Variants in BBX observed in about 807,000 individuals in gnomAD.
BBX encodes the protein HMG box transcription factor BBX.
Under a neutral mutation model 100.2 loss-of-function variants are expected in BBX, and 30 were observed. The ratio of observed to expected loss-of-function variants is 0.30; its 90% confidence interval spans 0.22 to 0.41. The LOEUF is 0.41. Among genes scored for constraint, BBX ranks in the 10% least tolerant of loss-of-function variants. BBX has a pLI of 1.00. For missense variants in BBX, 1,023 were observed against 1,129.8 expected (o/e 0.91, Z 1.35); for synonymous variants, 376 against 388.1 (o/e 0.97, Z 0.37).
At chr3:107,608,980 A>G (rs1186684264) in intron 2 of BBX, among the ~76,000 whole-genome samples, 1 of 152,166 alleles carries the variant, frequency 6.6e-6, no homozygotes, top group Non-Finnish European at 1.5e-5. Flanking sequence ...TTTTCAAAAT[A>G]TATGATCATA....
At chr3:107,692,070 T>C (rs1276845343) in intron 3 of BBX, among the ~76,000 whole-genome samples, 6 of 152,130 alleles carry the variant, frequency 3.9e-5, no homozygotes, top group Admixed American at 3.3e-4. Flanking sequence ...CAATCAGTGA[T>C]ACAGACTATT....
intron 2 of BBX, among the ~76,000 whole-genome samples, chr3:107,598,445 A>T (rs1246097736): frequency 6.6e-6 from 1 of 152,194 alleles, no homozygotes; most frequent in Non-Finnish European, 1.5e-5. Context: ...ATTGACTAGT[A>T]CTTTGGCAAA....
chr3:107,761,125 G>T (rs890676788), intron 10 of BBX, among the ~76,000 whole-genome samples: 1 of 152,084 alleles, frequency 6.6e-6, no homozygotes, highest in Non-Finnish European at 1.5e-5. Flanking sequence ...ATACATAGTG[G>T]GGATTGTGAC....
intron 4 of BBX, chr3:107,711,214 G>A: frequency 2.4e-6 from 1 of 410,194 alleles, no homozygotes; most frequent in South Asian, 1.8e-5. Context: ...TTTCTTCATG[G>A]CACTTATTGC....
intron 3 of BBX, among the ~76,000 whole-genome samples, chr3:107,657,861 C>A (rs922457427): frequency 6.6e-6 from 1 of 151,852 alleles, no homozygotes; most frequent in African/African-American, 2.4e-5. Context: ...AGATAATATG[C>A]CTAAAGTGGA....
At chr3:107,596,202 A>T (rs1162564783) in intron 2 of BBX, among the ~76,000 whole-genome samples, 1 of 151,982 alleles carries the variant, frequency 6.6e-6, no homozygotes, top group Non-Finnish European at 1.5e-5. Context: ...AAATACATCT[A>T]ATTAATTTTT....
At chr3:107,619,800 C>A (rs964251571) in intron 2 of BBX, among the ~76,000 whole-genome samples, 1 of 152,082 alleles carries the variant, frequency 6.6e-6, no homozygotes, top group African/African-American at 2.4e-5. Flanking sequence ...AATGAGGAAT[C>A]TGTCATTTGA....
chr3:107,785,642 A>T (rs1289549640), intron 13 of BBX, among the ~76,000 whole-genome samples: 1 of 152,054 alleles, frequency 6.6e-6, no homozygotes, highest in Non-Finnish European at 1.5e-5. Flanking sequence ...TTTAAAAAAA[A>T]AATTACTCAA....
intron 2 of BBX, among the ~76,000 whole-genome samples, chr3:107,582,958 T>C (rs1559837978): frequency 6.6e-6 from 1 of 152,002 alleles, no homozygotes. Flanking sequence ...TCTACAATGC[T>C]GTTCCTTGGA....
intron 3 of BBX, among the ~76,000 whole-genome samples, chr3:107,694,508 C>T (rs1473086813): frequency 4.8e-5 from 7 of 144,738 alleles, no homozygotes; most frequent in South Asian, 4.5e-4. Context: ...TATTGATTTG[C>T]GTATATTGAA....
intron 5 of BBX, among the ~76,000 whole-genome samples, chr3:107,726,539 C>T (rs550774511): frequency 3.9e-5 from 6 of 152,112 alleles, no homozygotes; most frequent in South Asian, 2.1e-4. Context: ...TATTGTGATA[C>T]AGTTACAGAG....
chr3:107,525,131 G>T (rs978103566), intron 1 of BBX, among the ~76,000 whole-genome samples: 1 of 148,856 alleles, frequency 6.7e-6, no homozygotes, highest in African/African-American at 2.4e-5. Flanking sequence ...GGCAGCCAGC[G>T]GCCCAGGGGC....
intron 13 of BBX, 79 bp downstream of exon 13, chr3:107,778,598 G>A (rs965063728): frequency 6.8e-7 from 1 of 1,464,564 alleles, no homozygotes; most frequent in Non-Finnish European, 9.3e-7. Context: ...GCTCCCTTTA[G>A]ACATATCATT....
intron 6 of BBX, among the ~76,000 whole-genome samples, chr3:107,732,279 C>T (rs1414281499): frequency 6.6e-6 from 1 of 152,062 alleles, no homozygotes; most frequent in Admixed American, 6.6e-5. Flanking sequence ...TTTTTATTTT[C>T]TCTGTTTATA....
chr3:107,664,696 C>G (rs2058649074), intron 3 of BBX, among the ~76,000 whole-genome samples: 1 of 152,192 alleles, frequency 6.6e-6, no homozygotes, highest in African/African-American at 2.4e-5. Flanking sequence ...AATAAATGTT[C>G]TCTTGCAATA....
At chr3:107,705,458 A>T (rs1372700145) in intron 3 of BBX, among the ~76,000 whole-genome samples, 1 of 152,220 alleles carries the variant, frequency 6.6e-6, no homozygotes, top group Non-Finnish European at 1.5e-5. Flanking sequence ...AGAGGATCTT[A>T]TTCACAAAAT....
chr3:107,661,520 T>G (rs1299348600), intron 3 of BBX, among the ~76,000 whole-genome samples: 1 of 152,152 alleles, frequency 6.6e-6, no homozygotes, highest in Non-Finnish European at 1.5e-5. Context: ...TTTTAATAGG[T>G]AAAGTTACAA....
At chr3:107,604,960 G>T (rs1029060228) in intron 2 of BBX, among the ~76,000 whole-genome samples, 2 of 152,080 alleles carry the variant, frequency 1.3e-5, no homozygotes, top group Admixed American at 6.5e-5. Flanking sequence ...TCTTTACAGT[G>T]TGCCTTTTGA....
At chr3:107,729,013 C>G (rs1254395219) in intron 6 of BBX, 53 bp downstream of exon 6, 2 of 1,547,562 alleles carry the variant, frequency 1.3e-6, no homozygotes, top group Non-Finnish European at 1.8e-6. Context: ...CAATACATTT[C>G]GGCAGCATTT....
Sources: allele counts gnomAD v4.1 joint callset (sites outside exome capture counted in the v4.1 genomes callset), GRCh38; gene constraint gnomAD v4.1.1; transcripts MANE v1.5; gene names NCBI Gene and HGNC (gene_info 2026-07-23, HGNC 2026-07-21).